The following FBXL7 variants were observed in gnomAD, a reference collection of about 807,000 sequenced individuals.
FBXL7 encodes the protein F-box/LRR-repeat protein 7.
FBXL7 carries 12 observed loss-of-function variants against 38.3 expected under a neutral mutation model. The ratio of observed to expected loss-of-function variants is 0.31; its 90% CI spans 0.20 to 0.51. FBXL7 has a LOEUF of 0.51. FBXL7 is among the 20% of genes least tolerant of loss of function. The pLI is 0.98. For synonymous variants in FBXL7, 297 were observed against 300.9 expected (o/e 0.99, Z 0.13); for missense variants, 567 against 676.4 (o/e 0.84, Z 1.79).
At chr5:15,557,165 C>T (rs892330318) in intron 1 of FBXL7, among the ~76,000 whole-genome samples, 1 of 152,186 alleles carries the variant, frequency 6.6e-6, no homozygotes, top group Non-Finnish European at 1.5e-5. Flanking sequence ...GTCTCCATCT[C>T]TTGACCTCGT....
chr5:15,686,125 G>C (rs764439718), intron 2 of FBXL7, among the ~76,000 whole-genome samples: 2 of 152,174 alleles, frequency 1.3e-5, no homozygotes, highest in Non-Finnish European at 2.9e-5. Context: ...CTGGATGCTA[G>C]TTCCAAATGC....
intron 2 of FBXL7, among the ~76,000 whole-genome samples, chr5:15,801,602 T>C (rs1737565072): frequency 6.6e-6 from 1 of 151,950 alleles, no homozygotes; most frequent in African/African-American, 2.4e-5. Flanking sequence ...TATTCTCTTA[T>C]GGCCTTATAG....
At chr5:15,617,469 T>TTATC (rs1403024952) in intron 2 of FBXL7, among the ~76,000 whole-genome samples, 1 of 135,808 alleles carries the variant, frequency 7.4e-6, no homozygotes, top group East Asian at 2.2e-4. Flanking sequence ...ATTTATTTAT[T>TTATC]TATTTGAGAT....
intron 3 of FBXL7, among the ~76,000 whole-genome samples, chr5:15,929,124 C>T (rs527517189): frequency 2.0e-5 from 3 of 152,304 alleles, no homozygotes; most frequent in African/African-American, 4.8e-5. Context: ...TTTCGTACCA[C>T]GGGCCAGACG....
At chr5:15,795,190 A>G (rs1328133586) in intron 2 of FBXL7, among the ~76,000 whole-genome samples, 3 of 152,178 alleles carry the variant, frequency 2.0e-5, no homozygotes, top group Non-Finnish European at 4.4e-5. Flanking sequence ...AAAGCAATTC[A>G]GGGGGAGAGA....
chr5:15,604,396 T>G (rs1739926116), intron 1 of FBXL7, among the ~76,000 whole-genome samples: 1 of 152,294 alleles, frequency 6.6e-6, no homozygotes, highest in African/African-American at 2.4e-5. Context: ...GCCCTGTTGC[T>G]CAGGCTGAAG....
intron 2 of FBXL7, among the ~76,000 whole-genome samples, chr5:15,715,168 C>T (rs1744004100): frequency 6.6e-6 from 1 of 152,024 alleles, no homozygotes; most frequent in Non-Finnish European, 1.5e-5. Context: ...ATATATTTTA[C>T]AGGAAGAGGA....
chr5:15,888,712 C>G (rs541609124), intron 2 of FBXL7, among the ~76,000 whole-genome samples: 1 of 152,202 alleles, frequency 6.6e-6, no homozygotes, highest in South Asian at 2.1e-4. Context: ...TTTCACGGCC[C>G]ACTCTGCCAC....
At chr5:15,501,292 A>T in intron 1 of FBXL7, 1 of 411,880 alleles carries the variant, frequency 2.4e-6, no homozygotes, top group Non-Finnish European at 3.3e-6. Context: ...ACCATCTGTT[A>T]CGTGGGGCTG....
At chr5:15,604,120 T>A (rs1739911906) in intron 1 of FBXL7, among the ~76,000 whole-genome samples, 1 of 152,006 alleles carries the variant, frequency 6.6e-6, no homozygotes, top group South Asian at 2.1e-4. Flanking sequence ...TGAGGCGAGA[T>A]CATACCACTG....
At chr5:15,702,977 G>T (rs895888970) in intron 2 of FBXL7, among the ~76,000 whole-genome samples, 4 of 152,166 alleles carry the variant, frequency 2.6e-5, no homozygotes, top group Non-Finnish European at 4.4e-5. Flanking sequence ...TCTGAGCCAG[G>T]ATGAGCCAGG....
chr5:15,870,947 C>T (rs879719858), intron 2 of FBXL7, among the ~76,000 whole-genome samples: 1 of 152,224 alleles, frequency 6.6e-6, no homozygotes, highest in Non-Finnish European at 1.5e-5. Context: ...CCCAGCACAG[C>T]GTTCAAGCTC....
chr5:15,900,247 C>G (rs1741202710), intron 2 of FBXL7, among the ~76,000 whole-genome samples: 1 of 152,156 alleles, frequency 6.6e-6, no homozygotes, highest in South Asian at 2.1e-4. Flanking sequence ...TCTCTAAAAA[C>G]AAAAGTCCAT....
intron 1 of FBXL7, among the ~76,000 whole-genome samples, chr5:15,510,335 G>A (rs553979822): frequency 7.2e-5 from 11 of 152,300 alleles, no homozygotes; most frequent in African/African-American, 2.2e-4. Context: ...TTTGTGGATT[G>A]GCCCTTTTGC....
chr5:15,827,677 C>T (rs1291161416), intron 2 of FBXL7, among the ~76,000 whole-genome samples: 1 of 152,086 alleles, frequency 6.6e-6, no homozygotes, highest in East Asian at 1.9e-4. Flanking sequence ...AGGACAGAGC[C>T]CTCACAGCCC....
chr5:15,802,718 A>T (rs111702260), intron 2 of FBXL7, among the ~76,000 whole-genome samples: 2,954 of 150,812 alleles, frequency 0.02, 101 homozygotes, highest in African/African-American at 0.068. Flanking sequence ...CAGTAGCATG[A>T]TCTTGGCTCA....
At chr5:15,662,429 A>C (rs749925215) in intron 2 of FBXL7, among the ~76,000 whole-genome samples, 58 of 152,134 alleles carry the variant, frequency 3.8e-4, no homozygotes, top group Non-Finnish European at 7.2e-4. Context: ...ATAGTTTTCA[A>C]ATATTTTCTC....
At chr5:15,876,245 G>C (rs1164071315) in intron 2 of FBXL7, among the ~76,000 whole-genome samples, 1 of 151,918 alleles carries the variant, frequency 6.6e-6, no homozygotes, top group African/African-American at 2.4e-5. Flanking sequence ...ATGGGTGCCT[G>C]TCAGAGGGTG....
chr5:15,898,925 T>C (rs1741169322), intron 2 of FBXL7, among the ~76,000 whole-genome samples: 1 of 152,162 alleles, frequency 6.6e-6, no homozygotes, highest in African/African-American at 2.4e-5. Flanking sequence ...TTCCTCCTTT[T>C]TGAAAGGACT....
Sources: allele counts gnomAD v4.1 joint callset (sites outside exome capture counted in the v4.1 genomes callset), GRCh38; gene constraint gnomAD v4.1.1; transcripts MANE v1.5; gene names NCBI Gene and HGNC (gene_info 2026-07-23, HGNC 2026-07-21).